ZBTB8A: variants seen among roughly 807,000 people sequenced by gnomAD.
ZBTB8A encodes zinc finger and BTB domain containing 8A.
A neutral mutation model predicts 37.8 loss-of-function variants in ZBTB8A; 19 were observed. The ratio of observed to expected loss-of-function variants is 0.50; its 90% confidence interval spans 0.35 to 0.74. The LOEUF (loss-of-function observed/expected upper bound fraction) is 0.74, where lower values mean the gene tolerates loss of function less well. Among genes scored for constraint, ZBTB8A ranks in the 30% least tolerant of loss-of-function variants. The pLI, the probability that ZBTB8A is intolerant of heterozygous loss-of-function variation, is 0.01. For synonymous variants in ZBTB8A, 181 were observed against 185.2 expected, an observed-to-expected ratio of 0.98 and a Z score of 0.19; for missense variants, 394 against 537.8, an observed-to-expected ratio of 0.73 and a Z score of 2.65.
chr1:32,543,774 T>C (rs1644078416), intron 1 of ZBTB8A, among the ~76,000 whole-genome samples: 1 of 152,158 alleles, frequency 6.6e-6, no homozygotes, highest in Non-Finnish European at 1.5e-5. Flanking sequence ...CCTCCTGGGT[T>C]CACGCCATTC....
intron 2 of ZBTB8A, among the ~76,000 whole-genome samples, chr1:32,580,342 G>A (rs1644393838): frequency 6.6e-6 from 1 of 152,086 alleles, no homozygotes; most frequent in Admixed American, 6.6e-5. Context: ...CAGATCACTT[G>A]AGTTCAGGAG....
At chr1:32,564,730 C>A (rs368525007) in intron 2 of ZBTB8A, among the ~76,000 whole-genome samples, 1 of 150,550 alleles carries the variant, frequency 6.6e-6, no homozygotes, top group African/African-American at 2.4e-5. Context: ...AAAAAAAAAA[C>A]CCAACAACTT....
chr1:32,562,821 G>A (rs751230946), intron 2 of ZBTB8A, among the ~76,000 whole-genome samples: 3 of 151,700 alleles, frequency 2.0e-5, no homozygotes, highest in Non-Finnish European at 4.4e-5. Context: ...GACCTCAAGT[G>A]ATCCACCCAC....
intron 2 of ZBTB8A, among the ~76,000 whole-genome samples, chr1:32,555,297 G>A (rs954777607): frequency 5.3e-5 from 8 of 152,118 alleles, no homozygotes; most frequent in South Asian, 2.1e-4. Flanking sequence ...GCTGAGGCAG[G>A]AGAATGGCGT....
At chr1:32,575,055 G>A (rs1027123709) in intron 2 of ZBTB8A, among the ~76,000 whole-genome samples, 1 of 151,978 alleles carries the variant, frequency 6.6e-6, no homozygotes, top group Non-Finnish European at 1.5e-5. Flanking sequence ...GATTACAGGC[G>A]TGAGCCACCA....
chr1:32,600,029 T>TA, intron 4 of ZBTB8A, 58 bp from the exon 5 acceptor site: 1 of 1,419,236 alleles, frequency 7.0e-7, no homozygotes, highest in African/African-American at 1.4e-5. Flanking sequence ...GTACCTAAAA[T>TA]ATCAAACTGT....
rs113630821 is a variant in ZBTB8A, at chr1:32,598,443, G to A, written c.994-1644G>A. Among the ~76,000 whole-genome samples the A allele has an allele frequency of 1.8e-3, 280 of 151,510 alleles. 1 individual carries two copies. The highest frequency in any genetic ancestry group is 6.5e-3 in the African/African-American group (270 of 41,284). On this transcript the variant is annotated intron_variant, in intron 4 of 4. Transcript: ENST00000373510. ...GTAAAGATGGAGTTTTACCATATTG[G>A]CCAGGCTGATCTCAAACTGCTGACC...
At chr1:32,581,878 A>G (rs767410103) in intron 2 of ZBTB8A, among the ~76,000 whole-genome samples, 14 of 152,116 alleles carry the variant, frequency 9.2e-5, no homozygotes, top group Non-Finnish European at 1.6e-4. Context: ...CCAGATGCTT[A>G]CAACACCATC....
At chr1:32,571,603 C>T (rs1303532043) in intron 2 of ZBTB8A, among the ~76,000 whole-genome samples, 1 of 151,782 alleles carries the variant, frequency 6.6e-6, no homozygotes, top group Non-Finnish European at 1.5e-5. Context: ...GAGACAACGT[C>T]TTGCTCTGTC....
chr1:32,568,117 C>T (rs1316806375), intron 2 of ZBTB8A, among the ~76,000 whole-genome samples: 1 of 151,974 alleles, frequency 6.6e-6, no homozygotes, highest in Non-Finnish European at 1.5e-5. Context: ...CCACTGCACT[C>T]CAGCCTGGGC....
chr1:32,594,087 A>T (rs1039707018), intron 3 of ZBTB8A, among the ~76,000 whole-genome samples: 1 of 151,820 alleles, frequency 6.6e-6, no homozygotes, highest in South Asian at 2.1e-4. Flanking sequence ...CCAGCTATTC[A>T]GGAGGCTGAG....
At chr1:32,589,957 T>A (rs1380540382) in intron 2 of ZBTB8A, among the ~76,000 whole-genome samples, 1 of 152,132 alleles carries the variant, frequency 6.6e-6, no homozygotes, top group African/African-American at 2.4e-5. Context: ...AGCTTAAGCA[T>A]AGTTTATTTC....
rs35071920 is a variant in ZBTB8A at position 32,566,201 on chromosome 1, C to CAA, written c.-2+12678_-2+12679dup. ...TGGGCGACAGAGCAAGACTCCATCT[C>CAA]AAAAAAAAAAAAAAAAAAGAATAAT... On this transcript the variant is annotated intron_variant, in intron 2 of 4. Coordinates refer to ENST00000373510, the MANE Select transcript of ZBTB8A (RefSeq NM_001040441.3). 7.8e-3 allele frequency among the ~76,000 whole-genome samples: 554 copies of CAA among 70,716 alleles called. 9 individuals carry two copies. Among genetic ancestry groups the CAA allele is most frequent in the African/African-American group, 0.024 (447 of 18,552 alleles). The allele number at this position is 70,716 out of a possible 152,430, so 46.4% of individuals were successfully genotyped here.
chr1:32,586,398 C>CT (rs1462977890), intron 2 of ZBTB8A, among the ~76,000 whole-genome samples: 2 of 152,102 alleles, frequency 1.3e-5, no homozygotes, highest in African/African-American at 4.8e-5. Context: ...TATCTGTTGT[C>CT]TAAGAGCTGT....
At chr1:32,593,803 A>C (rs377007259) in intron 3 of ZBTB8A, 49 bp downstream of exon 3, 24 of 1,431,708 alleles carry the variant, frequency 1.7e-5, no homozygotes, top group Non-Finnish European at 2.2e-5. Flanking sequence ...AAACTGCTAT[A>C]TTAATCAGTC....
chr1:32,592,685 T>A (rs1473115710), intron 2 of ZBTB8A, among the ~76,000 whole-genome samples: 1 of 152,050 alleles, frequency 6.6e-6, no homozygotes, highest in South Asian at 2.1e-4. Context: ...TTTTGTATTT[T>A]TGGTAGAGAC....
At position 32,573,229 on chromosome 1, in the gene ZBTB8A, C is replaced by A. The variant is rs2148233982; in HGVS notation, c.-2+19689C>A. Among the ~76,000 whole-genome samples the A allele has an allele frequency of 2.0e-5, 3 of 150,402 alleles. 1 individual carries two copies. The South Asian group carries it at 6.3e-4, about 32-fold the overall frequency. On this transcript the variant is annotated intron_variant, in intron 2 of 4. Transcript: ENST00000373510. ...GGGATTACAGGTGCGTGCCACCACACCCGGCTAATTTTTTTTTTTTTTTTT... is the reference window on the plus strand; with the variant it reads ...GGGATTACAGGTGCGTGCCACCACAACCGGCTAATTTTTTTTTTTTTTTTT...
intron 2 of ZBTB8A, among the ~76,000 whole-genome samples, chr1:32,561,940 C>CT (rs1202063263): frequency 6.6e-6 from 1 of 151,860 alleles, no homozygotes; most frequent in African/African-American, 2.4e-5. Context: ...GTGGTACATA[C>CT]TTTTTTATTT....
At chr1:32,554,076 T>C (rs1644179410) in intron 2 of ZBTB8A, among the ~76,000 whole-genome samples, 1 of 150,904 alleles carries the variant, frequency 6.6e-6, no homozygotes, top group Non-Finnish European at 1.5e-5. Context: ...GCTGGGCGCC[T>C]ATAATCCCAG....
Sources: allele counts gnomAD v4.1 joint callset (sites outside exome capture counted in the v4.1 genomes callset), GRCh38; gene constraint gnomAD v4.1.1; transcripts MANE v1.5; gene names NCBI Gene and HGNC (gene_info 2026-07-23, HGNC 2026-07-21).